Variants in OXSR1 observed in about 807,000 individuals in gnomAD.
OXSR1 encodes the protein serine/threonine-protein kinase OSR1.
Under a neutral mutation model 79.8 loss-of-function variants are expected in OXSR1, and 24 were observed. The ratio of observed to expected loss-of-function variants is 0.30; its 90% confidence interval spans 0.22 to 0.42. The LOEUF is 0.42. Among genes scored for constraint, OXSR1 ranks in the 10% least tolerant of loss-of-function variants. The probability of loss-of-function intolerance (pLI) is 1.00; values close to 1 mark genes in which losing one functional copy is unlikely to be tolerated. For missense variants in OXSR1, 430 were observed against 618.4 expected (o/e 0.70, Z 3.23); for synonymous variants, 226 against 209.2 (o/e 1.08, Z -0.69).
chr3:38,227,606 C>T (rs1702718580), intron 8 of OXSR1, among the ~76,000 whole-genome samples: 2 of 150,904 alleles, frequency 1.3e-5, no homozygotes, highest in South Asian at 4.2e-4. Flanking sequence ...TATACATATA[C>T]ATGAACTTAC....
At chr3:38,174,941 T>C (rs538718395) in intron 1 of OXSR1, among the ~76,000 whole-genome samples, 1 of 152,214 alleles carries the variant, frequency 6.6e-6, no homozygotes, top group African/African-American at 2.4e-5. Context: ...TATTTTCATC[T>C]TTGTATGGAG....
At chr3:38,171,467 A>C (rs1285266282) in intron 1 of OXSR1, among the ~76,000 whole-genome samples, 3 of 152,222 alleles carry the variant, frequency 2.0e-5, no homozygotes, top group African/African-American at 7.2e-5. Context: ...CATCTCCATC[A>C]AAACACGTAC....
chr3:38,165,872 C>A lies in OXSR1; in HGVS notation c.-5C>A, dbSNP rs757570873. 6.2e-7 allele frequency: 1 copy of A among 1,609,350 alleles called. No homozygotes were observed. The highest frequency in any genetic ancestry group is 8.5e-7 in the Non-Finnish European group (1 of 1,178,696). On this transcript the variant is annotated 5_prime_UTR_variant, in exon 1 of 18. Coordinates refer to ENST00000311806, the MANE Select transcript of OXSR1 (RefSeq NM_005109.3). Reference sequence around the variant, plus strand: ...GAGGGAGGACCGCGAGCCGCTGCCGCCGTCATGTCCGAGGACTCGAGCGCC... The same window carrying A: ...GAGGGAGGACCGCGAGCCGCTGCCGACGTCATGTCCGAGGACTCGAGCGCC...
chr3:38,236,808 A>G, intron 10 of OXSR1, 31 bp from the exon 11 acceptor site: 1 of 1,557,716 alleles, frequency 6.4e-7, no homozygotes, highest in Non-Finnish European at 8.7e-7. Flanking sequence ...ATGAAATACC[A>G]CCATAACCCA....
At chr3:38,181,113 T>C (rs1424969278) in intron 1 of OXSR1, among the ~76,000 whole-genome samples, 1 of 151,606 alleles carries the variant, frequency 6.6e-6, no homozygotes, top group Non-Finnish European at 1.5e-5. Context: ...CCTAAGGCTT[T>C]GTTCTTTTTT....
chr3:38,169,879 G>A (rs1575301957), intron 1 of OXSR1, among the ~76,000 whole-genome samples: 1 of 151,734 alleles, frequency 6.6e-6, no homozygotes, highest in Non-Finnish European at 1.5e-5. Context: ...ACAGGTACAT[G>A]CCACCACGTT....
chr3:38,198,897 T>G lies in OXSR1; in HGVS notation c.434+34T>G, dbSNP rs147089113. The G allele has an allele frequency of 2.5e-6, 4 of 1,585,390 alleles. No homozygotes were observed. The East Asian group carries it at 9.0e-5, about 36-fold the overall frequency. On this transcript the variant is annotated intron_variant, in intron 4 of 17. Transcript: ENST00000311806. ...AAGACAATACTCTTGTGTTACATCA[T>G]CTCATTAAGGCCATTCCCACTCTTT...
chr3:38,182,044 C>A (rs1490901183), intron 1 of OXSR1, among the ~76,000 whole-genome samples: 1 of 152,040 alleles, frequency 6.6e-6, no homozygotes, highest in Non-Finnish European at 1.5e-5. Context: ...CTATTTAATT[C>A]TTCTCTTTTA....
At chr3:38,227,545 CCACACACACACACACACACACA>C (rs58097834) in intron 8 of OXSR1, among the ~76,000 whole-genome samples, 8 of 138,310 alleles carry the variant, frequency 5.8e-5, no homozygotes, top group African/African-American at 1.1e-4. Context: ...GTATGCACAT[CCACACACACACACACACACACA>C]CACACACACA....
chr3:38,225,594 C>T lies in OXSR1; in HGVS notation c.836+890C>T, dbSNP rs549713430. 5.3e-5 allele frequency among the ~76,000 whole-genome samples: 8 copies of T among 151,010 alleles called. No homozygotes were observed. In the South Asian group the frequency reaches 1.5e-3, roughly 28 times the overall value. On this transcript the variant is annotated intron_variant, in intron 8 of 17. Coordinates refer to ENST00000311806, the MANE Select transcript of OXSR1 (RefSeq NM_005109.3). ...TTTTTTTTTTCTGTTTCTGAGTAAA[C>T]AGTTAAAAAAGACAGGAAACACTTT...
At chr3:38,241,066 CCCCCACATAT>C (rs1391838344) in intron 11 of OXSR1, among the ~76,000 whole-genome samples, 1 of 151,988 alleles carries the variant, frequency 6.6e-6, no homozygotes. Flanking sequence ...TTAAAGTGTG[CCCCCACATAT>C]TACCTATTCA....
At chr3:38,181,057 T>C (rs1487715814) in intron 1 of OXSR1, among the ~76,000 whole-genome samples, 1 of 152,136 alleles carries the variant, frequency 6.6e-6, no homozygotes, top group Non-Finnish European at 1.5e-5. Context: ...CCCGTTATTC[T>C]ACCTAACGCA....
In OXSR1 at chr3:38,190,591, C is replaced by G; in HGVS notation, c.184-140C>G. 5.0e-6 allele frequency: 3 copies of G among 594,836 alleles called. No homozygotes were observed. The South Asian group carries it at 6.5e-5, about 13-fold the overall frequency. The allele number at this position is 594,836 out of a possible 1,614,324, so 36.8% of individuals were successfully genotyped here. On this transcript the variant is annotated intron_variant, in intron 2 of 17. Transcript: ENST00000311806. Reference sequence around the variant, plus strand: ...GACAAAGTGGTTTTATTGGTTTAACCCTTCTTGAAGAAATCAGAGCCATGG... The same window carrying G: ...GACAAAGTGGTTTTATTGGTTTAACGCTTCTTGAAGAAATCAGAGCCATGG...
intron 10 of OXSR1, among the ~76,000 whole-genome samples, chr3:38,232,734 C>T (rs1248196003): frequency 6.6e-6 from 1 of 151,382 alleles, no homozygotes; most frequent in South Asian, 2.1e-4. Flanking sequence ...CACTCCAGCC[C>T]GGGTGACAGA....
chr3:38,201,344 T>C (rs1702159402), intron 4 of OXSR1, among the ~76,000 whole-genome samples: 2 of 151,828 alleles, frequency 1.3e-5, no homozygotes, highest in Non-Finnish European at 2.9e-5. Context: ...GGCGGATTGC[T>C]TGAGCCCAGG....
intron 1 of OXSR1, among the ~76,000 whole-genome samples, chr3:38,178,622 T>TATATATATATATA (rs1559501065): frequency 1.4e-4 from 10 of 69,458 alleles, no homozygotes; most frequent in African/African-American, 6.2e-4. Context: ...ATATATATAT[T>TATATATATATATA]TTTTTTTTTT....
At chr3:38,190,096 G>A (rs1701954557) in intron 2 of OXSR1, among the ~76,000 whole-genome samples, 1 of 151,996 alleles carries the variant, frequency 6.6e-6, no homozygotes, top group African/African-American at 2.4e-5. Context: ...GGCACAATAG[G>A]GTTAAATGTC....
At position 38,188,293 on chromosome 3, in the gene OXSR1, A is replaced by G. The variant is rs563018512; in HGVS notation, c.184-2438A>G. 1.1e-4 allele frequency among the ~76,000 whole-genome samples: 17 copies of G among 152,206 alleles called. No individual in the cohort carries two copies. The South Asian group carries it at 3.5e-3, about 32-fold the overall frequency. The stretch of plus-strand genomic sequence containing the variant: ...CCCTATCAGTTAGTCACCAAATCCT[A>G]TTGTTTGTACCTCTCTATTATTATC... On this transcript the variant is annotated intron_variant, in intron 2 of 17. Transcript: ENST00000311806.
chr3:38,199,977 G>A (rs1476879686), intron 4 of OXSR1, among the ~76,000 whole-genome samples: 12 of 152,296 alleles, frequency 7.9e-5, no homozygotes, highest in Non-Finnish European at 2.9e-5. Context: ...TCCTGGGTGG[G>A]GAGTGGGGAA....
Sources: gnomAD v4.1 joint callset for allele counts (sites outside exome capture counted in the v4.1 genomes callset) on GRCh38, gnomAD v4.1.1 for gene constraint, MANE v1.5 for transcripts, NCBI Gene and HGNC (gene_info 2026-07-23, HGNC 2026-07-21) for gene names.